ASXL1: variants seen among roughly 807,000 people sequenced by gnomAD.
ASXL1 encodes polycomb group protein ASXL1.
Under a neutral mutation model 89.1 loss-of-function variants are expected in ASXL1, and 65 were observed. That is an observed-to-expected ratio of 0.73 (90% CI 0.60 to 0.90). ASXL1 has a LOEUF of 0.90. Among genes scored for constraint, ASXL1 ranks in the 40% least tolerant of loss-of-function variants. ASXL1 has a pLI of 0.00. For synonymous variants in ASXL1, 739 were observed against 746.9 expected (o/e 0.99, Z 0.17); for missense variants, 1,786 against 1,942.9 (o/e 0.92, Z 1.52).
At position 32,434,788 on chromosome 20, in the gene ASXL1, G is replaced by A. The variant is rs2011695298; in HGVS notation, c.2076G>A (p.Gln692=). 6.2e-7 allele frequency: 1 copy of A among 1,613,950 alleles called. No individual in the cohort carries two copies. The highest frequency in any genetic ancestry group is 8.5e-7 in the Non-Finnish European group (1 of 1,180,032). ...STPGKCTSDL[Q]RTQLLPPYPL... ...CTGGAAAGTGTACGTCAGATCTACA[G>A]CGAACACAACTACTGCCGCCTTATC... Residue 692 remains glutamine, a synonymous_variant, in exon 13 of 13, where the codon CAG becomes CAA. Transcript: ENST00000375687.
intron 4 of ASXL1, among the ~76,000 whole-genome samples, chr20:32,392,077 T>C (rs574152292): frequency 7.2e-5 from 11 of 152,174 alleles, no homozygotes; most frequent in Admixed American, 2.0e-4. Flanking sequence ...TATTTAATTA[T>C]TGATATGGTT....
chr20:32,390,684 T>G (rs1055255052), intron 4 of ASXL1, among the ~76,000 whole-genome samples: 1 of 152,118 alleles, frequency 6.6e-6, no homozygotes, highest in Non-Finnish European at 1.5e-5. Context: ...CCAGAAACTT[T>G]CCCTGTATCC....
intron 8 of ASXL1, chr20:32,430,872 GTAC>G (rs1454769384): frequency 1.4e-5 from 6 of 426,908 alleles, no homozygotes; most frequent in South Asian, 1.3e-4. Flanking sequence ...ACAGTCCTTA[GTAC>G]ATTTCTGCAT....
intron 4 of ASXL1, among the ~76,000 whole-genome samples, chr20:32,398,379 C>G (rs138498769): frequency 7.4e-6 from 1 of 135,298 alleles, no homozygotes; most frequent in African/African-American, 2.6e-5. Context: ...TTAGTACATT[C>G]ACAGTGTTGG....
chr20:32,432,573 T>C, intron 10 of ASXL1: 1 of 360,670 alleles, frequency 2.8e-6, no homozygotes, highest in Non-Finnish European at 5.3e-6. Flanking sequence ...GGCTGTTCTT[T>C]TAAGTAGGCC....
chr20:32,366,091 A>G (rs2048199593), intron 1 of ASXL1, among the ~76,000 whole-genome samples: 1 of 152,226 alleles, frequency 6.6e-6, no homozygotes. Flanking sequence ...GTTTAGCAGT[A>G]TTAACAGCAT....
At chr20:32,371,952 T>C in intron 4 of ASXL1, 1 of 390,730 alleles carries the variant, frequency 2.6e-6, no homozygotes, top group South Asian at 2.5e-5. Context: ...TATATAGTTA[T>C]AATTATTTAA....
chr20:32,361,098 C>T (rs757418684), intron 1 of ASXL1, among the ~76,000 whole-genome samples: 2 of 151,832 alleles, frequency 1.3e-5, no homozygotes, highest in African/African-American at 4.8e-5. Context: ...AAAGGATTTG[C>T]GAGACTTTGG....
At chr20:32,431,008 C>G in intron 8 of ASXL1, 1 of 557,754 alleles carries the variant, frequency 1.8e-6, no homozygotes, top group Non-Finnish European at 3.3e-6. Flanking sequence ...GGAGCCTGTT[C>G]TCCAGCTTTG....
Position 32,415,234 on chromosome 20 carries a change from C to T in ASXL1, c.253-12894C>T, listed in dbSNP as rs563011289. Among the ~76,000 whole-genome samples the T allele has an allele frequency of 2.0e-5, 3 of 152,208 alleles. No individual in the cohort carries two copies. The East Asian group carries it at 5.8e-4, about 29-fold the overall frequency. ...ATGTTGGCCAGGCTGGTCTCGAACT[C>T]CTGACCTCAGGTGATCTTCCTGCCT... On this transcript the variant is annotated intron_variant, in intron 4 of 12. Transcript: ENST00000375687.
At chr20:32,419,169 G>GA (rs2049194598) in intron 4 of ASXL1, among the ~76,000 whole-genome samples, 1 of 151,588 alleles carries the variant, frequency 6.6e-6, no homozygotes, top group Admixed American at 6.6e-5. Context: ...TCTTAATCAA[G>GA]AACATGGTAT....
At chr20:32,375,839 G>A (rs557539059) in intron 4 of ASXL1, among the ~76,000 whole-genome samples, 1 of 151,838 alleles carries the variant, frequency 6.6e-6, no homozygotes, top group South Asian at 2.1e-4. Context: ...GTGACACCAC[G>A]CCTAGCTAAT....
chr20:32,433,604 C>T lies in ASXL1; in HGVS notation c.1406C>T (p.Thr469Ile), dbSNP rs774600044. 1.3e-5 allele frequency: 21 copies of T among 1,613,984 alleles called. No homozygotes were observed. Among genetic ancestry groups the T allele is most frequent in the Non-Finnish European group, 1.7e-5 (20 of 1,179,994 alleles). The stretch of plus-strand genomic sequence containing the variant: ...CTGAGCAGTCCCCATCTGCCAGGCA[C>T]ATCCTCTGCAGCACCCGACCTGGAG... Reference protein sequence around the residue: ...AGLSSPHLPGTSSAAPDLEGP... With the variant: ...AGLSSPHLPGISSAAPDLEGP... Residue 469 changes from threonine to isoleucine, a missense_variant, in exon 12 of 13, where the codon ACA (threonine) becomes ATA (isoleucine). Transcript: ENST00000375687.
chr20:32,370,428 T>A (rs1015706618), intron 4 of ASXL1, among the ~76,000 whole-genome samples: 50 of 151,664 alleles, frequency 3.3e-4, no homozygotes, highest in South Asian at 4.2e-4. Context: ...AAAAAAAAAA[T>A]TTATTTACAA....
chr20:32,426,541 C>CTTTTGTTTTTTT (rs2011294533), intron 4 of ASXL1, among the ~76,000 whole-genome samples: 2 of 92,564 alleles, frequency 2.2e-5, no homozygotes, highest in Non-Finnish European at 4.6e-5. Context: ...AAACTGTTTT[C>CTTTTGTTTTTTT]TTTTTTTTCT....
intron 6 of ASXL1, 58 bp downstream of exon 6, chr20:32,428,480 A>T: frequency 6.8e-7 from 1 of 1,464,592 alleles, no homozygotes; most frequent in Non-Finnish European, 9.6e-7. Flanking sequence ...ATAAGGCAAG[A>T]TCCCTCCTTC....
chr20:32,376,480 T>A (rs995880196), intron 4 of ASXL1, among the ~76,000 whole-genome samples: 1 of 151,710 alleles, frequency 6.6e-6, no homozygotes, highest in Non-Finnish European at 1.5e-5. Context: ...TTTACCATGT[T>A]GGCCAGGCTG....
Position 32,369,134 on chromosome 20 carries a change from T to C in ASXL1, c.252+11T>C, listed in dbSNP as rs143337375. 2,563 of 1,588,204 alleles carry C rather than the reference T, an allele frequency of 1.6e-3. 19 individuals are homozygous for C. The highest frequency in any genetic ancestry group is 0.011 in the South Asian group (953 of 90,592). ...CTTTTCACGCTCAAGGTAAGTGATA[T>C]GAACTCTCTTTTGGTGCAGTGATTC... is the stretch of plus-strand genomic sequence containing the variant. On this transcript the variant is annotated intron_variant, in intron 4 of 12. Transcript: ENST00000375687.
chr20:32,426,311 C>G (rs1314681460), intron 4 of ASXL1, among the ~76,000 whole-genome samples: 3 of 151,894 alleles, frequency 2.0e-5, no homozygotes, highest in African/African-American at 7.3e-5. Context: ...TTCTCATACT[C>G]TTGTCAGAAC....
Sources: gnomAD v4.1 joint callset for allele counts (sites outside exome capture counted in the v4.1 genomes callset) on GRCh38, gnomAD v4.1.1 for gene constraint, MANE v1.5 for transcripts, NCBI Gene and HGNC (gene_info 2026-07-23, HGNC 2026-07-21) for gene names.